GTF2F2: variants seen among roughly 807,000 people sequenced by gnomAD.
The protein encoded by GTF2F2 is general transcription factor IIF subunit 2, also known as ATP-dependent helicase GTF2F2.
Under a neutral mutation model 42.2 loss-of-function variants are expected in GTF2F2, and 23 were observed. The ratio of observed to expected loss-of-function variants is 0.55; its 90% CI spans 0.39 to 0.77. The LOEUF is 0.77. Ranked by LOEUF, GTF2F2 falls within the 30% of genes least tolerant of loss-of-function variation. The pLI, the probability that GTF2F2 is intolerant of heterozygous loss-of-function variation, is 0.00. For missense variants in GTF2F2, 261 were observed against 287.2 expected (o/e 0.91, Z 0.66); for synonymous variants, 105 against 100.8 (o/e 1.04, Z -0.25).
chr13:45,188,224 C>G (rs1181473268), intron 4 of GTF2F2, among the ~76,000 whole-genome samples: 9 of 152,156 alleles, frequency 5.9e-5, no homozygotes, highest in Admixed American at 5.9e-4. Flanking sequence ...TTTTATATTG[C>G]TGACAAAACA....
rs149644924 is a variant in GTF2F2 at position 45,244,682 on chromosome 13, T to C, written c.387-8189T>C. Among the ~76,000 whole-genome samples, 39 of 152,314 alleles carry C rather than the reference T, an allele frequency of 2.6e-4. 1 individual carries two copies. In the East Asian group the frequency reaches 4.0e-3, roughly 16 times the overall value. On this transcript the variant is annotated intron_variant, in intron 5 of 7. Transcript: ENST00000340473. The stretch of plus-strand genomic sequence containing the variant: ...CATTGTTAGTCATTATTTCTTTCTC[T>C]TTTTTTGAGACAGAGTCTCACTCTG...
chr13:45,248,133 G>A (rs754039140), intron 5 of GTF2F2, among the ~76,000 whole-genome samples: 5 of 152,134 alleles, frequency 3.3e-5, no homozygotes, highest in Admixed American at 2.0e-4. Context: ...GTGAGCCACC[G>A]TGCCTGGCCT....
intron 7 of GTF2F2, among the ~76,000 whole-genome samples, chr13:45,277,543 A>G (rs1420120299): frequency 6.6e-6 from 1 of 152,200 alleles, no homozygotes; most frequent in African/African-American, 2.4e-5. Context: ...ACTGGGGATT[A>G]CATTTCAATA....
At chr13:45,162,427 T>C (rs1036436709) in intron 4 of GTF2F2, among the ~76,000 whole-genome samples, 4 of 152,170 alleles carry the variant, frequency 2.6e-5, no homozygotes, top group African/African-American at 9.7e-5. Context: ...AATCTTATAC[T>C]TGTGAGGAGG....
In GTF2F2 at chr13:45,212,444, C is replaced by CTTTCTTTCTTTTCTTTTCTT. The variant is rs1232825230; in HGVS notation, c.386+4941_386+4942insTCTTTCTTTTCTTTTCTTTT. On this transcript the variant is annotated intron_variant, in intron 5 of 7. Coordinates refer to ENST00000340473, the MANE Select transcript of GTF2F2 (RefSeq NM_004128.3). ...GATTGATTTCTTTCTTTCTTTCTTTCTTGTTTCTTTCTTTCTTTCTTTCTT... is the reference window on the plus strand; with the variant it reads ...GATTGATTTCTTTCTTTCTTTCTTTCTTTCTTTCTTTTCTTTTCTTTTGTTTCTTTCTTTCTTTCTTTCTT... Among the ~76,000 whole-genome samples the CTTTCTTTCTTTTCTTTTCTT allele has an allele frequency of 1.4e-4, 10 of 72,650 alleles. No homozygotes were observed. In the South Asian group the frequency reaches 2.8e-3, roughly 20 times the overall value. The allele number at this position is 72,650 out of a possible 152,430, so 47.7% of individuals were successfully genotyped here. A position where few individuals can be genotyped will look rare whatever the true frequency, so the allele number is the denominator to read the frequency against.
chr13:45,261,025 C>T (rs1292709025), intron 6 of GTF2F2, among the ~76,000 whole-genome samples: 1 of 152,144 alleles, frequency 6.6e-6, no homozygotes. Flanking sequence ...ATTCAAGAGG[C>T]TGAGGCAGGA....
At chr13:45,231,651 T>G (rs1344984743) in intron 5 of GTF2F2, among the ~76,000 whole-genome samples, 1 of 152,192 alleles carries the variant, frequency 6.6e-6, no homozygotes, top group East Asian at 1.9e-4. Flanking sequence ...GGTCTTTTCC[T>G]TGAAAGGGTG....
intron 7 of GTF2F2, among the ~76,000 whole-genome samples, chr13:45,272,004 A>G (rs1876813646): frequency 6.6e-6 from 1 of 151,712 alleles, no homozygotes; most frequent in African/African-American, 2.4e-5. Flanking sequence ...CTTTCCACTG[A>G]CATATATTCA....
intron 4 of GTF2F2, 78 bp from the exon 5 acceptor site, chr13:45,207,346 T>TGACAC: frequency 1.3e-6 from 1 of 785,446 alleles, no homozygotes; most frequent in South Asian, 1.6e-5. Flanking sequence ...ATTGTCATAT[T>TGACAC]ACTGTGTTTA....
chr13:45,153,100 A>G (rs1274575208), intron 4 of GTF2F2, among the ~76,000 whole-genome samples: 3 of 149,798 alleles, frequency 2.0e-5, no homozygotes, highest in Non-Finnish European at 3.0e-5. Flanking sequence ...AGCTCCGCCT[A>G]CCGGGTTCAC....
intron 1 of GTF2F2, among the ~76,000 whole-genome samples, chr13:45,133,291 A>G (rs1472476874): frequency 6.6e-6 from 1 of 152,120 alleles, no homozygotes; most frequent in African/African-American, 2.4e-5. Flanking sequence ...AGTCAAAGTG[A>G]GGTGGGAAGT....
chr13:45,129,445 A>G (rs895450324), intron 1 of GTF2F2, among the ~76,000 whole-genome samples: 8 of 152,080 alleles, frequency 5.3e-5, no homozygotes, highest in Non-Finnish European at 1.2e-4. Context: ...CCTGTGCTCA[A>G]ATGATCCACC....
intron 5 of GTF2F2, among the ~76,000 whole-genome samples, chr13:45,217,191 C>T (rs1361892018): frequency 6.6e-6 from 1 of 150,486 alleles, no homozygotes; most frequent in Non-Finnish European, 1.5e-5. Context: ...CCCAGCTACT[C>T]GGGAGGTTGA....
intron 1 of GTF2F2, among the ~76,000 whole-genome samples, chr13:45,126,869 A>C (rs1414569575): frequency 1.3e-5 from 2 of 152,194 alleles, no homozygotes; most frequent in Non-Finnish European, 2.9e-5. Context: ...TGCTGTAGTG[A>C]GTTATTTTCT....
At chr13:45,122,242 A>G (rs545291692) in intron 1 of GTF2F2, among the ~76,000 whole-genome samples, 1 of 152,184 alleles carries the variant, frequency 6.6e-6, no homozygotes, top group South Asian at 2.1e-4. Flanking sequence ...GATTTGAGTG[A>G]GGTAGAGATG....
intron 4 of GTF2F2, among the ~76,000 whole-genome samples, chr13:45,173,612 A>ATTTT (rs56033747): frequency 5.3e-5 from 5 of 93,708 alleles, no homozygotes; most frequent in Admixed American, 1.2e-4. Flanking sequence ...TAACTTTGTC[A>ATTTT]TTTTTTTTTT....
In GTF2F2 at chr13:45,131,920, A is replaced by AAAG. The variant is rs1555263585; in HGVS notation, c.67-4812_67-4811insAGA. ...CTCAAAAAAAAAAAAAAAAAAAAAA[A>AAAG]AGAGAGAGAGAGAAAAGGTAGAGAA... is the stretch of plus-strand genomic sequence containing the variant. On this transcript the variant is annotated intron_variant, in intron 1 of 7. Coordinates refer to ENST00000340473, the MANE Select transcript of GTF2F2 (RefSeq NM_004128.3). Among the ~76,000 whole-genome samples, 288 of 146,180 alleles carry AAAG rather than the reference A, an allele frequency of 2.0e-3. 5 individuals are homozygous for AAAG. The highest frequency in any genetic ancestry group is 0.016 in the Admixed American group (214 of 13,706).
intron 4 of GTF2F2, among the ~76,000 whole-genome samples, chr13:45,167,121 G>A (rs1871330113): frequency 6.8e-6 from 1 of 147,898 alleles, no homozygotes; most frequent in Admixed American, 6.7e-5. Flanking sequence ...AGAACTTCGT[G>A]TATGTGTATC....
intron 5 of GTF2F2, among the ~76,000 whole-genome samples, chr13:45,215,071 T>C (rs1358869041): frequency 6.6e-6 from 1 of 152,206 alleles, no homozygotes; most frequent in Non-Finnish European, 1.5e-5. Context: ...TTGAATGGGA[T>C]ACAGGTTGAA....
Sources: allele counts gnomAD v4.1 joint callset (sites outside exome capture counted in the v4.1 genomes callset), GRCh38; gene constraint gnomAD v4.1.1; transcripts MANE v1.5; gene names NCBI Gene and HGNC (gene_info 2026-07-23, HGNC 2026-07-21).